Variants in ZNF507 observed in about 807,000 individuals in gnomAD.
ZNF507 encodes zinc finger protein 507.
ZNF507 carries 29 observed loss-of-function variants against 80.0 expected under a neutral mutation model. The observed-to-expected ratio is 0.36, with a 90% CI of 0.27 to 0.49. ZNF507 has a LOEUF of 0.49. Ranked by LOEUF, ZNF507 falls within the 20% of genes least tolerant of loss-of-function variation. ZNF507 has a pLI of 0.98. For synonymous variants in ZNF507, 462 were observed against 422.5 expected, an observed-to-expected ratio of 1.09 and a Z score of -1.15; for missense variants, 1,081 against 1,152.2, an observed-to-expected ratio of 0.94 and a Z score of 0.90.
intron 2 of ZNF507, among the ~76,000 whole-genome samples, chr19:32,351,753 A>C (rs1967171985): frequency 2.0e-5 from 3 of 152,134 alleles, no homozygotes; most frequent in African/African-American, 7.2e-5. Flanking sequence ...AAGATTCCAG[A>C]ATGCACCTAA....
rs115801845 is a variant in ZNF507 at position 32,368,397 on chromosome 19, A to G, written c.2360+7779A>G. On this transcript the variant is annotated intron_variant, in intron 5 of 6. Coordinates refer to ENST00000355898, the MANE Select transcript of ZNF507 (RefSeq NM_001136156.2). ...TGGTTGGGCATCAGCTGGAACACAT[A>G]CATGATTTCTCCTTGTGGACTTTGC... Among the ~76,000 whole-genome samples, 486 of 152,324 alleles carry G rather than the reference A, an allele frequency of 3.2e-3. 5 individuals carry two copies. The highest frequency in any genetic ancestry group is 0.011 in the African/African-American group (475 of 41,578).
chr19:32,374,537 A>G (rs1967520847), intron 5 of ZNF507, among the ~76,000 whole-genome samples: 1 of 147,372 alleles, frequency 6.8e-6, no homozygotes, highest in Admixed American at 6.9e-5. Context: ...GCAGTGGTGC[A>G]GTGGTGTTAT....
At position 32,353,801 on chromosome 19, in the gene ZNF507, T is replaced by G; in HGVS notation, c.971T>G (p.Val324Gly). 1 of 1,614,202 alleles carries G rather than the reference T, an allele frequency of 6.2e-7. No individual in the cohort carries two copies. Among genetic ancestry groups the G allele is most frequent in the Non-Finnish European group, 8.5e-7 (1 of 1,180,036 alleles). Residue 324 changes from valine to glycine, a missense_variant, in exon 3 of 7, where the codon GTG becomes GGG. Val to Gly is a moderately radical substitution (Grantham distance 109, BLOSUM62 -3). This residue lies in a region of ZNF507 where 614 missense variants were observed against 583.9 expected (regional missense o/e 1.05). Transcript: ENST00000355898. Reference sequence around the variant, plus strand: ...ATCCACAATGGGCCATCAGTGCAAGTGCAGATTTGCAGCTCAGAACAGTTA... The same window carrying G: ...ATCCACAATGGGCCATCAGTGCAAGGGCAGATTTGCAGCTCAGAACAGTTA... Reference protein sequence around the residue: ...LSIHNGPSVQVQICSSEQLSS... With the variant: ...LSIHNGPSVQGQICSSEQLSS...
In ZNF507 at chr19:32,345,968, C is replaced by T. The variant is rs550849304; in HGVS notation, c.-97+185C>T. Among the ~76,000 whole-genome samples the T allele has an allele frequency of 6.6e-5, 10 of 152,336 alleles. No individual in the cohort carries two copies. In the South Asian group the frequency reaches 1.7e-3, roughly 25 times the overall value. ...TTCTGTGCAGCAAGGCCTGCGGAGACTCTGGGCTTGCCCTGCAGCTGGGGG... is the reference window on the plus strand; with the variant it reads ...TTCTGTGCAGCAAGGCCTGCGGAGATTCTGGGCTTGCCCTGCAGCTGGGGG... On this transcript the variant is annotated intron_variant, in intron 1 of 6. Coordinates refer to ENST00000355898, the MANE Select transcript of ZNF507 (RefSeq NM_001136156.2).
At chr19:32,346,773 C>A (rs375074015) in intron 1 of ZNF507, among the ~76,000 whole-genome samples, 1 of 152,116 alleles carries the variant, frequency 6.6e-6, no homozygotes, top group Admixed American at 6.5e-5. Flanking sequence ...AAATGTAGGA[C>A]CAGAGTAGGA....
At position 32,354,775 on chromosome 19, in the gene ZNF507, A is replaced by G. The variant is rs781741987; in HGVS notation, c.1945A>G (p.Thr649Ala). The G allele has an allele frequency of 6.2e-7, 1 of 1,614,162 alleles. No individual in the cohort carries two copies. Among genetic ancestry groups the G allele is most frequent in the South Asian group, 1.1e-5 (1 of 91,082 alleles). The stretch of plus-strand genomic sequence containing the variant: ...CTACCGTTGCCGCCTGTGTCACTAC[A>G]CAAGTGGCAACAAGGGCTACATCAA... The part of the protein sequence containing the change: ...RPYRCRLCHY[T>A]SGNKGYIKQH... The change falls in exon 3 of 7, where the codon ACA becomes GCA. Residue 649 changes from threonine to alanine, a missense_variant. Transcript: ENST00000355898.
At chr19:32,358,705 A>C (rs1406953716) in intron 4 of ZNF507, 1 of 152,230 alleles carries the variant, frequency 6.6e-6, no homozygotes, top group Non-Finnish European at 1.5e-5. Context: ...TCTAAACAAA[A>C]CAAGCAGATC....
intron 5 of ZNF507, among the ~76,000 whole-genome samples, chr19:32,368,608 C>G (rs16967013): frequency 0.067 from 10,118 of 152,054 alleles, 728 homozygotes; most frequent in East Asian, 0.43. Context: ...AAACTTAAGT[C>G]TTTAGAAAGC....
At position 32,354,902 on chromosome 19, in the gene ZNF507, A is replaced by G. The variant is rs751877135; in HGVS notation, c.2072A>G (p.His691Arg). 1.2e-6 allele frequency: 2 copies of G among 1,614,102 alleles called. No individual in the cohort carries two copies. Among genetic ancestry groups the G allele is most frequent in the Non-Finnish European group, 1.7e-6 (2 of 1,180,004 alleles). The change falls in exon 3 of 7, where the codon CAC (histidine) becomes CGC (arginine). Residue 691 changes from histidine (H) to arginine (R), a missense_variant. By Grantham distance (29) the His-to-Arg change is conservative (BLOSUM62 0). This residue lies in a region of ZNF507 where 614 missense variants were observed against 583.9 expected (regional missense o/e 1.05). Transcript: ENST00000355898. ...SKDLESHMIH[H>R]CKTRIYQCKQ... ...GATTTGGAGAGTCACATGATCCACCACTGTAAGACAAGAATATACCAGTGC... is the reference window on the plus strand; with the variant it reads ...GATTTGGAGAGTCACATGATCCACCGCTGTAAGACAAGAATATACCAGTGC...
chr19:32,346,323 C>T (rs995895893), intron 1 of ZNF507, among the ~76,000 whole-genome samples: 2 of 152,172 alleles, frequency 1.3e-5, no homozygotes, highest in Non-Finnish European at 2.9e-5. Context: ...GTTCCCACCT[C>T]TTAAGACCTG....
chr19:32,381,059 A>G (rs1045368890), intron 5 of ZNF507, among the ~76,000 whole-genome samples: 3 of 152,150 alleles, frequency 2.0e-5, no homozygotes, highest in African/African-American at 4.8e-5. Context: ...CATCCACACA[A>G]TGTAATATTA....
In ZNF507 at chr19:32,353,402, A is replaced by C; in HGVS notation, c.572A>C (p.Gln191Pro). ...DANIHTQSKA[Q>P]QCVSPSSSLC... ...AATATCCACACCCAATCCAAAGCCC[A>C]ACAGTGCGTAAGCCCCTCCAGCTCT... Residue 191 changes from glutamine (Q) to proline (P), a missense_variant, in exon 3 of 7, where the codon CAA becomes CCA. Physicochemically the swap from Gln to Pro is moderately conservative, Grantham distance 76. This residue lies in a region of ZNF507 where 275 missense variants were observed against 303.9 expected (regional missense o/e 0.90). Coordinates refer to ENST00000355898, the MANE Select transcript of ZNF507 (RefSeq NM_001136156.2). The C allele has an allele frequency of 6.2e-7, 1 of 1,614,196 alleles. No individual in the cohort carries two copies. The highest frequency in any genetic ancestry group is 8.5e-7 in the Non-Finnish European group (1 of 1,180,044).
In ZNF507 at chr19:32,387,640, T is replaced by C. The variant is rs1240339946; in HGVS notation, c.*4557T>C. On this transcript the variant is annotated 3_prime_UTR_variant, in exon 7 of 7. Coordinates refer to ENST00000355898, the MANE Select transcript of ZNF507 (RefSeq NM_001136156.2). ...ATATTGATTACATGTTGAAATGATA[T>C]TTTGGTTTAAATAAAATATTAAAAT... The C allele has an allele frequency of 3.3e-5, 5 of 152,228 alleles. No individual in the cohort carries two copies. Among genetic ancestry groups the C allele is most frequent in the East Asian group, 3.8e-4 (2 of 5,202 alleles). The allele number at this position is 152,228 out of a possible 1,614,324, so 9.4% of individuals were successfully genotyped here.
chr19:32,346,973 C>T (rs960286449), intron 1 of ZNF507, among the ~76,000 whole-genome samples: 4 of 152,124 alleles, frequency 2.6e-5, no homozygotes, highest in East Asian at 1.9e-4. Context: ...GTGTTGAGTC[C>T]AGTACCTAAA....
Position 32,381,256 on chromosome 19 carries a change from C to T in ZNF507, c.2361-1211C>T, listed in dbSNP as rs1967619025. ...GGTGGAGTACAGGGCATTTTTAGGG[C>T]AGTGAAACTATTCATATGACGCTGG... On this transcript the variant is annotated intron_variant, in intron 5 of 6. Coordinates refer to ENST00000355898, the MANE Select transcript of ZNF507 (RefSeq NM_001136156.2). Among the ~76,000 whole-genome samples the T allele has an allele frequency of 2.6e-5, 4 of 152,084 alleles. No homozygotes were observed. The South Asian group carries it at 8.3e-4, about 32-fold the overall frequency.
chr19:32,352,367 C>A (rs759239972), intron 2 of ZNF507, among the ~76,000 whole-genome samples: 2 of 152,068 alleles, frequency 1.3e-5, no homozygotes, highest in African/African-American at 4.8e-5. Flanking sequence ...GAAATACTCT[C>A]AAGAATTGTA....
rs182354934 is a variant in ZNF507 at position 32,372,525 on chromosome 19, T to G, written c.2361-9942T>G. ...TGTCAGTTCTGCAGGCCGAAAAGTT[T>G]GAGGGCCTGGCCCTGGCTTCTGGTG... On this transcript the variant is annotated intron_variant, in intron 5 of 6. Transcript: ENST00000355898. 2.6e-5 allele frequency among the ~76,000 whole-genome samples: 4 copies of G among 152,076 alleles called. No homozygotes were observed. In the East Asian group the frequency reaches 7.8e-4, roughly 30 times the overall value.
At chr19:32,368,249 G>C (rs1967425426) in intron 5 of ZNF507, among the ~76,000 whole-genome samples, 1 of 152,200 alleles carries the variant, frequency 6.6e-6, no homozygotes, top group African/African-American at 2.4e-5. Flanking sequence ...CAGTAGAGAT[G>C]GCTTGTCCCA....
chr19:32,352,611 C>T (rs1413128130), intron 2 of ZNF507, among the ~76,000 whole-genome samples: 1 of 151,948 alleles, frequency 6.6e-6, no homozygotes, highest in Non-Finnish European at 1.5e-5. Context: ...AGGGGAGTAT[C>T]TTCATCATTA....
Sources: gnomAD v4.1 joint callset for allele counts (sites outside exome capture counted in the v4.1 genomes callset) on GRCh38, gnomAD v4.1.1 for gene constraint, gnomAD v4.1.1 regional missense constraint, MANE v1.5 for transcripts, NCBI Gene and HGNC (gene_info 2026-07-23, HGNC 2026-07-21) for gene names.